USP10: variants seen among roughly 807,000 people sequenced by gnomAD.
USP10 encodes ubiquitin carboxyl-terminal hydrolase 10.
A neutral mutation model predicts 84.5 loss-of-function variants in USP10; 22 were observed. That is an observed-to-expected ratio of 0.26 (90% CI 0.19 to 0.37). The LOEUF is 0.37. USP10 is among the 10% of genes least tolerant of loss of function. The probability of loss-of-function intolerance (pLI) is 1.00; values close to 1 mark genes in which losing one functional copy is unlikely to be tolerated. For missense variants in USP10, 1,019 were observed against 998.9 expected (o/e 1.02, Z -0.27); for synonymous variants, 454 against 387.6 (o/e 1.17, Z -2.01).
chr16:84,736,820 G>A (rs764332756), intron 2 of USP10, among the ~76,000 whole-genome samples: 28 of 152,150 alleles, frequency 1.8e-4, no homozygotes, highest in Admixed American at 3.3e-4. Context: ...AGGGAGTCTC[G>A]CTCTCTCGCC....
At chr16:84,759,266 C>T in intron 5 of USP10, 97 bp from the exon 6 acceptor site, 1 of 1,148,712 alleles carries the variant, frequency 8.7e-7, no homozygotes. Flanking sequence ...TCCTTAGCTT[C>T]CTTGTGTTTT....
chr16:84,767,127 C>A (rs1913951810), intron 10 of USP10, among the ~76,000 whole-genome samples: 1 of 151,708 alleles, frequency 6.6e-6, no homozygotes, highest in African/African-American at 2.4e-5. Flanking sequence ...GTAATTAAAC[C>A]CTGGACAGAA....
At chr16:84,703,222 C>G (rs1008625811) in intron 1 of USP10, among the ~76,000 whole-genome samples, 1 of 151,982 alleles carries the variant, frequency 6.6e-6, no homozygotes, top group Non-Finnish European at 1.5e-5. Context: ...AGTGAATATC[C>G]TTGTCACTGA....
intron 9 of USP10, 101 bp from the exon 10 acceptor site, chr16:84,763,985 C>A (rs1219558771): frequency 2.1e-6 from 3 of 1,413,876 alleles, no homozygotes; most frequent in East Asian, 5.0e-5. Context: ...TAGACCACAC[C>A]CTGATTTCAT....
At chr16:84,719,291 C>G (rs1907474940) in intron 1 of USP10, among the ~76,000 whole-genome samples, 1 of 152,004 alleles carries the variant, frequency 6.6e-6, no homozygotes, top group South Asian at 2.1e-4. Flanking sequence ...GAAGTAGCTC[C>G]CCTCATCCTC....
chr16:84,744,148 C>T (rs1453975881), intron 3 of USP10, among the ~76,000 whole-genome samples: 5 of 151,114 alleles, frequency 3.3e-5, no homozygotes, highest in African/African-American at 1.2e-4. Flanking sequence ...GTATAGGATT[C>T]TTTGCGTAGT....
Position 84,779,335 on chromosome 16 carries a change from C to G in USP10, c.*253C>G, listed in dbSNP as rs991312595. ...AGAAAATACACAAAAACCCATATTT[C>G]TGAAATAATGCTGATTCCTGAGATA... On this transcript the variant is annotated 3_prime_UTR_variant, in exon 14 of 14. Coordinates refer to ENST00000219473, the MANE Select transcript of USP10 (RefSeq NM_005153.3). 5.9e-6 allele frequency: 2 copies of G among 338,232 alleles called. No homozygotes were observed. Among genetic ancestry groups the G allele is most frequent in the African/African-American group, 4.2e-5 (2 of 47,254 alleles). 21.0% of individuals were successfully genotyped at this position (338,232 alleles called of 1,614,324 possible). A position where few individuals can be genotyped will look rare whatever the true frequency, so the allele number is the denominator to read the frequency against.
chr16:84,744,969 TGAA>T lies in USP10; in HGVS notation c.489_491del (p.Lys164del). 6.2e-7 allele frequency: 1 copy of T among 1,613,792 alleles called. No individual in the cohort carries two copies. The highest frequency in any genetic ancestry group is 1.1e-5 in the South Asian group (1 of 91,062). On this transcript the variant is annotated inframe_deletion, in exon 4 of 14. Coordinates refer to ENST00000219473, the MANE Select transcript of USP10 (RefSeq NM_005153.3). Reference sequence around the variant, plus strand: ...CGGCCACCTGGATATTACAGCTATTTGAAAGATGGTGGCGATGATAGTATCTCC... The same window carrying T: ...CGGCCACCTGGATATTACAGCTATTTAGATGGTGGCGATGATAGTATCTCC...
At chr16:84,736,926 C>A (rs936875266) in intron 2 of USP10, among the ~76,000 whole-genome samples, 1 of 152,216 alleles carries the variant, frequency 6.6e-6, no homozygotes. Flanking sequence ...GTAGCTGGGA[C>A]TACAGGCGTC....
rs547788026 is a variant in USP10 at position 84,746,466 on chromosome 16, G to A, written c.1192+793G>A. On this transcript the variant is annotated intron_variant, in intron 4 of 13. Coordinates refer to ENST00000219473, the MANE Select transcript of USP10 (RefSeq NM_005153.3). Reference sequence around the variant, plus strand: ...TGGTGGTGCAGCCTATTACTCCCGGGCTGCAAACCTGTCCAGCGTGTTACT... The same window carrying A: ...TGGTGGTGCAGCCTATTACTCCCGGACTGCAAACCTGTCCAGCGTGTTACT... Among the ~76,000 whole-genome samples, 22 of 152,340 alleles carry A rather than the reference G, an allele frequency of 1.4e-4. No homozygotes were observed. The South Asian group carries it at 3.9e-3, about 27-fold the overall frequency.
chr16:84,720,712 G>C lies in USP10; in HGVS notation c.22-12723G>C, dbSNP rs546735129. ...TTCTCCTGCCTCAGCCTCCTGAGTA[G>C]TTAGGACTACAGGTGCCCGCCACCA... is the stretch of plus-strand genomic sequence containing the variant. On this transcript the variant is annotated intron_variant, in intron 1 of 13. Transcript: ENST00000219473. 1.9e-4 allele frequency among the ~76,000 whole-genome samples: 29 copies of C among 149,804 alleles called. 2 individuals carry two copies. The South Asian group carries it at 6.2e-3, about 32-fold the overall frequency.
At chr16:84,702,318 A>G (rs1420786964) in intron 1 of USP10, among the ~76,000 whole-genome samples, 2 of 151,912 alleles carry the variant, frequency 1.3e-5, no homozygotes, top group African/African-American at 4.8e-5. Flanking sequence ...CGGCCTCTCA[A>G]AGTGCTGGGA....
chr16:84,753,757 G>A (rs1272129177), intron 4 of USP10, among the ~76,000 whole-genome samples: 3 of 152,190 alleles, frequency 2.0e-5, no homozygotes, highest in African/African-American at 4.8e-5. Context: ...GTCATTTGCC[G>A]TAACCAACAA....
intron 13 of USP10, among the ~76,000 whole-genome samples, chr16:84,778,091 C>CTG (rs113716260): frequency 0.031 from 4,488 of 143,502 alleles, 101 homozygotes; most frequent in African/African-American, 0.062. Flanking sequence ...AAGTAAATAA[C>CTG]TGTGTGTGTG....
intron 1 of USP10, among the ~76,000 whole-genome samples, chr16:84,701,698 G>A (rs1010820629): frequency 1.8e-4 from 27 of 152,154 alleles, no homozygotes; most frequent in African/African-American, 6.3e-4. Context: ...AATGGGGATG[G>A]ATAATATGTA....
At chr16:84,764,932 A>AGAGAGAGAGAGAG (rs1555548042) in intron 10 of USP10, among the ~76,000 whole-genome samples, 20 of 130,240 alleles carry the variant, frequency 1.5e-4, no homozygotes, top group African/African-American at 5.8e-4. Context: ...AGAGAGAGAG[A>AGAGAGAGAGAGAG]AAAAAAAATA....
At chr16:84,733,169 A>C in intron 1 of USP10, 1 of 528,146 alleles carries the variant, frequency 1.9e-6, no homozygotes, top group Non-Finnish European at 3.6e-6. Flanking sequence ...GGACTCGACA[A>C]GTTTGGCATA....
intron 1 of USP10, among the ~76,000 whole-genome samples, chr16:84,725,658 C>A (rs1003254367): frequency 6.6e-6 from 1 of 152,254 alleles, no homozygotes; most frequent in East Asian, 1.9e-4. Context: ...CCCGCCTCGG[C>A]CCCCCAGAGT....
chr16:84,733,937 A>T (rs191317003), intron 2 of USP10, among the ~76,000 whole-genome samples: 1 of 152,196 alleles, frequency 6.6e-6, no homozygotes, highest in Non-Finnish European at 1.5e-5. Flanking sequence ...CTAACGTTGT[A>T]TTCTTTATGC....
Sources: allele counts gnomAD v4.1 joint callset (sites outside exome capture counted in the v4.1 genomes callset), GRCh38; gene constraint gnomAD v4.1.1; transcripts MANE v1.5; gene names NCBI Gene and HGNC (gene_info 2026-07-23, HGNC 2026-07-21).